RHOBTB3: variants seen among roughly 807,000 people sequenced by gnomAD.
The protein encoded by RHOBTB3 is rho-related BTB domain-containing protein 3.
RHOBTB3 carries 47 observed loss-of-function variants against 67.2 expected under a neutral mutation model. That is an observed-to-expected ratio of 0.70 (90% CI 0.55 to 0.89). The LOEUF is 0.89. Among genes scored for constraint, RHOBTB3 ranks in the 40% least tolerant of loss-of-function variants. The pLI is 0.00. For synonymous variants in RHOBTB3, 273 were observed against 274.2 expected, an observed-to-expected ratio of 1.00 and a Z score of 0.04; for missense variants, 631 against 750.0, an observed-to-expected ratio of 0.84 and a Z score of 1.85.
chr5:95,736,919 C>G lies in RHOBTB3; in HGVS notation c.259C>G (p.Arg87Gly), dbSNP rs144248494. ...DIFDSDWYTS[R>G]NLIGGADIIV... The stretch of plus-strand genomic sequence containing the variant: ...ATTTGACAGTGATTGGTACACTTCT[C>G]GAAATCTAATTGGGGGCGCTGACAT... Residue 87 changes from arginine (R) to glycine (G), a missense_variant, in exon 3 of 12, where the codon CGA becomes GGA. Coordinates refer to ENST00000379982, the MANE Select transcript of RHOBTB3 (RefSeq NM_014899.4). 1.2e-6 allele frequency: 2 copies of G among 1,610,374 alleles called. No individual in the cohort carries two copies. The highest frequency in any genetic ancestry group is 1.7e-5 in the Admixed American group (1 of 59,024).
intron 10 of RHOBTB3, among the ~76,000 whole-genome samples, chr5:95,786,435 C>G (rs953803441): frequency 6.6e-6 from 1 of 152,150 alleles, no homozygotes; most frequent in Non-Finnish European, 1.5e-5. Flanking sequence ...CTTCTCTGTC[C>G]ATTTTCCCCT....
intron 10 of RHOBTB3, among the ~76,000 whole-genome samples, chr5:95,785,822 T>G (rs1241566275): frequency 6.6e-6 from 1 of 152,220 alleles, no homozygotes; most frequent in Non-Finnish European, 1.5e-5. Flanking sequence ...TTTTAGTATC[T>G]TCTTAAATTG....
chr5:95,788,907 C>A, intron 11 of RHOBTB3, 49 bp downstream of exon 11: 1 of 1,158,810 alleles, frequency 8.6e-7, no homozygotes, highest in South Asian at 1.5e-5. Flanking sequence ...GTTCTTTGTT[C>A]TTAGATTTGA....
At chr5:95,738,664 A>C (rs1234180523) in intron 3 of RHOBTB3, among the ~76,000 whole-genome samples, 1 of 152,096 alleles carries the variant, frequency 6.6e-6, no homozygotes, top group Non-Finnish European at 1.5e-5. Context: ...AGATGCTAGC[A>C]CCTTGATATT....
chr5:95,731,749 G>A (rs940351447), intron 1 of RHOBTB3, 65 bp downstream of exon 1: 1 of 1,610,054 alleles, frequency 6.2e-7, no homozygotes, highest in South Asian at 1.1e-5. Context: ...CCAGGGACAG[G>A]GGCTGGTGCC....
chr5:95,777,674 G>A (rs1320517592), intron 8 of RHOBTB3, among the ~76,000 whole-genome samples: 1 of 152,130 alleles, frequency 6.6e-6, no homozygotes, highest in Non-Finnish European at 1.5e-5. Flanking sequence ...CCATACTAAG[G>A]TATTGTATTA....
chr5:95,792,953 A>G, intron 11 of RHOBTB3, 106 bp from the exon 12 acceptor site: 1 of 709,872 alleles, frequency 1.4e-6, no homozygotes, highest in South Asian at 2.0e-5. Flanking sequence ...TAGGAGATGT[A>G]TCACAGAGCT....
intron 10 of RHOBTB3, among the ~76,000 whole-genome samples, chr5:95,788,526 C>T (rs1554069653): frequency 1.3e-5 from 2 of 152,152 alleles, no homozygotes; most frequent in Non-Finnish European, 2.9e-5. Context: ...CTCCGGCAGC[C>T]GTAGATTGTT....
At position 95,766,614 on chromosome 5, in the gene RHOBTB3, GAGAA is replaced by G. The variant is rs762865047; in HGVS notation, c.1162-1425_1162-1422del. ...TAAAATTTAAAAAAAAAAAAAAAAA[GAGAA>G]AGAAAGCAAAGCAAAGAAAAAAGGG... On this transcript the variant is annotated intron_variant, in intron 7 of 11. Transcript: ENST00000379982. Among the ~76,000 whole-genome samples the G allele has an allele frequency of 1.6e-3, 231 of 147,078 alleles. 2 individuals carry two copies. The highest frequency in any genetic ancestry group is 3.6e-3 in the African/African-American group (142 of 39,580).
At chr5:95,731,793 G>A in intron 1 of RHOBTB3, 66 bp from the exon 2 acceptor site, 1 of 1,603,080 alleles carries the variant, frequency 6.2e-7, no homozygotes. Context: ...CGCACTTCCT[G>A]TTCCGAGGAG....
rs749939214 is a variant in RHOBTB3, at chr5:95,736,929, T to C, written c.269T>C (p.Ile90Thr). ...DSDWYTSRNL[I>T]GGADIIVIKY... Reference sequence around the variant, plus strand: ...GATTGGTACACTTCTCGAAATCTAATTGGGGGCGCTGACATCATTGTGATC... The same window carrying C: ...GATTGGTACACTTCTCGAAATCTAACTGGGGGCGCTGACATCATTGTGATC... The change falls in exon 3 of 12, where the codon ATT becomes ACT. Residue 90 changes from isoleucine (I) to threonine (T), a missense_variant. Ile to Thr is a moderately conservative substitution (Grantham distance 89). Coordinates refer to ENST00000379982, the MANE Select transcript of RHOBTB3 (RefSeq NM_014899.4). 1.2e-6 allele frequency: 2 copies of C among 1,611,580 alleles called. No homozygotes were observed. Among genetic ancestry groups the C allele is most frequent in the Admixed American group, 1.7e-5 (1 of 59,312 alleles).
intron 3 of RHOBTB3, among the ~76,000 whole-genome samples, chr5:95,744,959 C>T (rs1470157798): frequency 6.6e-6 from 1 of 151,608 alleles, no homozygotes; most frequent in African/African-American, 2.4e-5. Context: ...TAGTTCCAGC[C>T]ACTAGGTAGG....
At chr5:95,779,227 C>T (rs1416324105) in intron 8 of RHOBTB3, among the ~76,000 whole-genome samples, 1 of 152,194 alleles carries the variant, frequency 6.6e-6, no homozygotes, top group Non-Finnish European at 1.5e-5. Context: ...GAGTTACTTC[C>T]TGGAATGCGA....
intron 1 of RHOBTB3, among the ~76,000 whole-genome samples, chr5:95,718,269 G>C (rs1402975536): frequency 1.3e-5 from 2 of 152,166 alleles, no homozygotes; most frequent in Non-Finnish European, 2.9e-5. Context: ...AGAGAGATAA[G>C]AGTTGAAGAC....
At chr5:95,735,171 C>T (rs42862) in intron 2 of RHOBTB3, among the ~76,000 whole-genome samples, 77,118 of 151,708 alleles carry the variant, frequency 0.51, 20,303 homozygotes, top group East Asian at 0.82. Context: ...TCCCATTTTT[C>T]TGCACTGTGT....
At chr5:95,753,136 CAAA>C (rs1002789158) in intron 5 of RHOBTB3, among the ~76,000 whole-genome samples, 1 of 124,504 alleles carries the variant, frequency 8.0e-6, no homozygotes. Flanking sequence ...GACTCTGTCT[CAAA>C]AAAAAAAAAG....
intron 5 of RHOBTB3, 92 bp downstream of exon 5, chr5:95,752,442 C>A: frequency 1.1e-6 from 1 of 881,450 alleles, no homozygotes; most frequent in Non-Finnish European, 1.8e-6. Context: ...CAAACTTGAG[C>A]ATGCTCAGAG....
At chr5:95,766,335 C>G (rs1745541737) in intron 7 of RHOBTB3, among the ~76,000 whole-genome samples, 1 of 151,746 alleles carries the variant, frequency 6.6e-6, no homozygotes, top group South Asian at 2.1e-4. Context: ...GATTAGCATT[C>G]TGACCAGGGC....
chr5:95,736,433 C>T (rs1040558778), intron 2 of RHOBTB3, among the ~76,000 whole-genome samples: 1 of 152,142 alleles, frequency 6.6e-6, no homozygotes, highest in Non-Finnish European at 1.5e-5. Flanking sequence ...TATGGAACTT[C>T]ACAGAATTTA....
Sources: gnomAD v4.1 joint callset for allele counts (sites outside exome capture counted in the v4.1 genomes callset) on GRCh38, gnomAD v4.1.1 for gene constraint, MANE v1.5 for transcripts, NCBI Gene and HGNC (gene_info 2026-07-23, HGNC 2026-07-21) for gene names.